USP36: variants seen among roughly 807,000 people sequenced by gnomAD.
The protein encoded by USP36 is ubiquitin carboxyl-terminal hydrolase 36.
USP36 carries 59 observed loss-of-function variants against 111.5 expected under a neutral mutation model. The observed-to-expected ratio is 0.53, with a 90% CI of 0.43 to 0.66. The LOEUF is 0.66. USP36 is among the 30% of genes least tolerant of loss of function. The pLI is 0.00. For synonymous variants in USP36, 628 were observed against 581.0 expected, an observed-to-expected ratio of 1.08 and a Z score of -1.16; for missense variants, 1,488 against 1,468.0, an observed-to-expected ratio of 1.01 and a Z score of -0.22.
intron 17 of USP36, among the ~76,000 whole-genome samples, chr17:78,801,754 A>C (rs1210626308): frequency 1.3e-5 from 2 of 152,222 alleles, no homozygotes; most frequent in Non-Finnish European, 2.9e-5. Flanking sequence ...ACCATCACAG[A>C]AAAAAACTCA....
chr17:78,810,404 C>G (rs1346714776), intron 13 of USP36, among the ~76,000 whole-genome samples: 1 of 152,208 alleles, frequency 6.6e-6, no homozygotes, highest in Non-Finnish European at 1.5e-5. Context: ...CCTCCCACCT[C>G]AGCCTCCTGA....
intron 7 of USP36, 96 bp downstream of exon 7, chr17:78,821,841 G>T (rs552663418): frequency 1.3e-5 from 19 of 1,439,402 alleles, no homozygotes; most frequent in Non-Finnish European, 1.6e-5. Context: ...TCTGCACAGC[G>T]AAGAAAGAGC....
Position 78,796,077 on chromosome 17 carries a change from G to A in USP36, c.*1823C>T, listed in dbSNP as rs978242871. On this transcript the variant is annotated 3_prime_UTR_variant, in exon 21 of 21. Transcript: ENST00000449938. ...GATAAACGCTGCAGAAAGTCATCTC[G>A]TGCTCACCACTGCCCAAGAGTTAAC... is the stretch of plus-strand genomic sequence containing the variant. 4 of 152,124 alleles carry A rather than the reference G, an allele frequency of 2.6e-5. No homozygotes were observed. The highest frequency in any genetic ancestry group is 2.0e-4 in the Admixed American group (3 of 15,274). 9.4% of individuals were successfully genotyped at this position (152,124 alleles called of 1,614,324 possible). A position where few individuals can be genotyped will look rare whatever the true frequency, so the allele number is the denominator to read the frequency against.
Position 78,803,944 on chromosome 17 carries a change from G to A in USP36, c.2251C>T (p.Leu751=), listed in dbSNP as rs1199925215. Residue 751 remains leucine, a synonymous_variant, in exon 16 of 21, where the codon CTG becomes TTG. Transcript: ENST00000449938. This position sits in a 1 kb window ranked among gnomAD's most constrained non-coding sequence, Gnocchi z 4.6. ...GGGTGGGGGCTGAAGGGGGGTTGCA[G>A]GCGGCTGGATGATTGGGGAGCAGGT... ...VSPAPQSSSR[L]QPPFSPHPTL... The A allele has an allele frequency of 3.7e-6, 6 of 1,603,660 alleles. No individual in the cohort carries two copies. The South Asian group carries it at 6.6e-5, about 18-fold the overall frequency.
At chr17:78,806,862 A>G in intron 14 of USP36, 97 bp downstream of exon 14, 3 of 1,491,856 alleles carry the variant, frequency 2.0e-6, no homozygotes, top group Non-Finnish European at 2.7e-6. Flanking sequence ...GGGAGGCCAA[A>G]GCCCCCGGAC....
chr17:78,820,974 G>T lies in USP36; in HGVS notation c.828+17C>A, dbSNP rs758272310. ...CGCTCTCCTACTGCAAAAGTGAAGGGCAGGACAGATCTGTACCCGGATCTC... is the reference window on the plus strand; with the variant it reads ...CGCTCTCCTACTGCAAAAGTGAAGGTCAGGACAGATCTGTACCCGGATCTC... On this transcript the variant is annotated intron_variant, in intron 8 of 20. Transcript: ENST00000449938. 2.5e-6 allele frequency: 4 copies of T among 1,603,812 alleles called. No individual in the cohort carries two copies. In the East Asian group the frequency reaches 9.0e-5, roughly 36 times the overall value.
chr17:78,834,997 G>GTGTACATATATATATATATATATATATA (rs968867639), intron 4 of USP36, among the ~76,000 whole-genome samples: 1 of 141,392 alleles, frequency 7.1e-6, no homozygotes, highest in African/African-American at 2.8e-5. Flanking sequence ...AATAATATTT[G>GTGTACATATATATATATATATATATATA]TATATATATA....
In USP36 at chr17:78,801,584, C is replaced by G. The variant is rs531824216; in HGVS notation, c.3022+740G>C. On this transcript the variant is annotated intron_variant, in intron 17 of 20. Transcript: ENST00000449938. ...GCCTGCCAAGGCATGCCCCAGCCAG[C>G]CCTAAAGAAAACAAAACACCCTCCG... is the stretch of plus-strand genomic sequence containing the variant. Among the ~76,000 whole-genome samples the G allele has an allele frequency of 2.0e-5, 3 of 151,712 alleles. No homozygotes were observed. In the East Asian group the frequency reaches 5.8e-4, roughly 29 times the overall value.
intron 17 of USP36, among the ~76,000 whole-genome samples, chr17:78,801,485 C>G (rs1451285208): frequency 6.6e-6 from 1 of 152,266 alleles, no homozygotes; most frequent in Non-Finnish European, 1.5e-5. Context: ...AGGCCTCACT[C>G]AAGCTCGGCC....
chr17:78,834,116 G>T (rs914267657), intron 4 of USP36, among the ~76,000 whole-genome samples: 2 of 151,848 alleles, frequency 1.3e-5, no homozygotes, highest in Non-Finnish European at 2.9e-5. Context: ...GCGTGGTGGC[G>T]TGCGTCTATA....
intron 14 of USP36, 108 bp downstream of exon 14, chr17:78,806,851 A>C (rs1437230939): frequency 7.0e-7 from 1 of 1,426,820 alleles, no homozygotes; most frequent in East Asian, 2.3e-5. Flanking sequence ...CTCTAACATG[A>C]GGGAGGCCAA....
At chr17:78,811,145 A>G (rs1203488672) in intron 13 of USP36, among the ~76,000 whole-genome samples, 1 of 134,720 alleles carries the variant, frequency 7.4e-6, no homozygotes, top group Non-Finnish European at 1.6e-5. Context: ...AAAAAAAAAA[A>G]AAAAAAAAAA....
At chr17:78,789,549 G>A (rs890751771) in intron 3 of USP36, among the ~76,000 whole-genome samples, 2 of 152,222 alleles carry the variant, frequency 1.3e-5, no homozygotes, top group African/African-American at 2.4e-5. Flanking sequence ...CCCCGCAAGA[G>A]GCTGCAAAGC....
intron 6 of USP36, among the ~76,000 whole-genome samples, chr17:78,823,525 G>A (rs1599065499): frequency 6.6e-6 from 1 of 152,186 alleles, no homozygotes; most frequent in Non-Finnish European, 1.5e-5. Context: ...GGGGACAAAG[G>A]GCAGTAGAGA....
chr17:78,827,416 T>C (rs548414591), intron 5 of USP36, 69 bp from the exon 6 acceptor site: 1,076 of 1,468,572 alleles, frequency 7.3e-4, no homozygotes, highest in Non-Finnish European at 9.1e-4. Flanking sequence ...GCTGCTTTCC[T>C]GAATGGCCAT....
exon 4 of USP36, chr17:78,787,513 C>T (rs887778952): frequency 8.5e-5 from 13 of 152,170 alleles, no homozygotes; most frequent in African/African-American, 3.1e-4. Context: ...ACATGCTACT[C>T]GTTTACAGGT....
intron 4 of USP36, among the ~76,000 whole-genome samples, chr17:78,835,018 T>TATATATATA: frequency 6.7e-6 from 1 of 149,212 alleles, no homozygotes; most frequent in African/African-American, 2.5e-5. Flanking sequence ...TATATATATA[T>TATATATATA]TTTGGAAGTA....
At chr17:78,793,703 G>GC (rs149235794), downstream of USP36, among the ~76,000 whole-genome samples, 4,152 of 152,258 alleles carry the variant, frequency 0.027, 184 homozygotes, top group African/African-American at 0.093. Context: ...AAGACTTGAG[G>GC]CAGGGATTCT....
chr17:78,802,676 CCCACACGCATTAGCGGACGCT>C lies in USP36; in HGVS notation c.2811-162_2811-142del, dbSNP rs1047954425. 6.2e-6 allele frequency: 5 copies of C among 802,136 alleles called. No homozygotes were observed. The African/African-American group carries it at 8.6e-5, about 14-fold the overall frequency. The allele number at this position is 802,136 out of a possible 1,614,324, so 49.7% of individuals were successfully genotyped here. A position where few individuals can be genotyped will look rare whatever the true frequency, so the allele number is the denominator to read the frequency against. ...CGCAGGTCCCTGCAACATTCTTCCC[CCCACACGCATTAGCGGACGCT>C]CCACACGCAGCCACGGAGACAGTAG... On this transcript the variant is annotated intron_variant, in intron 16 of 20. Coordinates refer to ENST00000449938, the MANE Select transcript of USP36 (RefSeq NM_001385174.1).
Sources: gnomAD v4.1 joint callset for allele counts (sites outside exome capture counted in the v4.1 genomes callset) on GRCh38, gnomAD v4.1.1 for gene constraint, Gnocchi (gnomAD v3.1) non-coding constraint, MANE v1.5 for transcripts, NCBI Gene and HGNC (gene_info 2026-07-23, HGNC 2026-07-21) for gene names.